PLCH1: variants seen among roughly 807,000 people sequenced by gnomAD.
PLCH1 encodes phospholipase C eta 1, also known as 1-phosphatidylinositol 4,5-bisphosphate phosphodiesterase eta-1.
In PLCH1, 60 loss-of-function variants were observed where a neutral mutation model predicts 126.7. The observed-to-expected ratio is 0.47, with a 90% CI of 0.38 to 0.59. PLCH1 has a LOEUF of 0.59. Ranked by LOEUF, PLCH1 falls within the 20% of genes least tolerant of loss-of-function variation. The pLI is 0.00. For synonymous variants in PLCH1, 719 were observed against 734.9 expected (o/e 0.98, Z 0.35); for missense variants, 1,723 against 2,040.0 (o/e 0.84, Z 2.99).
intron 21 of PLCH1, among the ~76,000 whole-genome samples, chr3:155,473,183 T>C (rs1374359948): frequency 1.3e-4 from 19 of 150,922 alleles, no homozygotes; most frequent in African/African-American, 4.9e-5. Flanking sequence ...GAAAACCCCA[T>C]TGTCTCAGCC....
intron 1 of PLCH1, among the ~76,000 whole-genome samples, chr3:155,741,684 C>CTTTTATTTTTTTTTTATTTTTTT: frequency 3.5e-4 from 36 of 102,862 alleles, no homozygotes; most frequent in Non-Finnish European, 5.2e-4. Flanking sequence ...TTTATATCCT[C>CTTTTATTTTTTTTTTATTTTTTT]TTTTTTTTTT....
intron 2 of PLCH1, among the ~76,000 whole-genome samples, chr3:155,601,190 T>C (rs952465846): frequency 6.6e-6 from 1 of 152,086 alleles, no homozygotes; most frequent in Admixed American, 6.6e-5. Context: ...TGTTAGCCAG[T>C]ATGGTCTTGA....
chr3:155,477,855 A>G (rs1436843482), downstream of PLCH1, among the ~76,000 whole-genome samples: 1 of 152,162 alleles, frequency 6.6e-6, no homozygotes, highest in Non-Finnish European at 1.5e-5. Context: ...TCAAAAAACT[A>G]AAAATTGAGC....
chr3:155,619,762 TGACAACTTCCAACCACA>T (rs1459159022), intron 2 of PLCH1, among the ~76,000 whole-genome samples: 1 of 152,102 alleles, frequency 6.6e-6, no homozygotes, highest in Non-Finnish European at 1.5e-5. Context: ...GAAGCAGGCC[TGACAACTTCCAACCACA>T]GACAGTTGGA....
At chr3:155,706,226 G>A (rs1300253972) in intron 1 of PLCH1, among the ~76,000 whole-genome samples, 10 of 143,002 alleles carry the variant, frequency 7.0e-5, no homozygotes, top group African/African-American at 1.6e-4. Context: ...AGTGGCTCAC[G>A]CCTGTAATCC....
rs189354805 is a variant in PLCH1, at chr3:155,581,939, G to A, written c.771+1533C>T. 2.7e-3 allele frequency among the ~76,000 whole-genome samples: 411 copies of A among 151,614 alleles called. 3 individuals are homozygous for A. Among genetic ancestry groups the A allele is most frequent in the Admixed American group, 5.1e-3 (78 of 15,226 alleles). ...TAATTTTGTATTTTTAGTAGAGACC[G>A]GGTTTCTCCATGTTGGTCAGGCTGG... On this transcript the variant is annotated intron_variant, in intron 6 of 22. Coordinates refer to ENST00000460012, the MANE Select transcript of PLCH1 (RefSeq NM_014996.4).
intron 10 of PLCH1, among the ~76,000 whole-genome samples, chr3:155,549,222 G>GT (rs1725784293): frequency 6.6e-6 from 1 of 152,184 alleles, no homozygotes; most frequent in Non-Finnish European, 1.5e-5. Flanking sequence ...CAGAAAATCT[G>GT]TTTATGAAAT....
intron 8 of PLCH1, among the ~76,000 whole-genome samples, chr3:155,558,438 G>A (rs541122972): frequency 5.4e-4 from 82 of 152,210 alleles, no homozygotes; most frequent in African/African-American, 1.9e-3. Context: ...TAAGGCTCCC[G>A]GTAGATGCCT....
At chr3:155,743,387 C>A in intron 1 of PLCH1, 1 of 383,192 alleles carries the variant, frequency 2.6e-6, no homozygotes, top group South Asian at 2.0e-5. Flanking sequence ...CAAAAAATAG[C>A]TGGGCGTGGT....
At chr3:155,707,616 C>A (rs761231051) in intron 1 of PLCH1, among the ~76,000 whole-genome samples, 1 of 151,654 alleles carries the variant, frequency 6.6e-6, no homozygotes, top group Admixed American at 6.6e-5. Flanking sequence ...ATGGCCAAGA[C>A]CATGCCACTG....
chr3:155,516,516 C>T (rs576519849), intron 11 of PLCH1, among the ~76,000 whole-genome samples: 3 of 152,140 alleles, frequency 2.0e-5, no homozygotes, highest in South Asian at 2.1e-4. Context: ...CTTTGGAGAG[C>T]GGAGGGACTT....
chr3:155,693,984 A>C (rs1331947151), intron 2 of PLCH1, among the ~76,000 whole-genome samples: 2 of 152,128 alleles, frequency 1.3e-5, no homozygotes, highest in Non-Finnish European at 2.9e-5. Context: ...CAAATTCCCA[A>C]GCATAGATGA....
intron 2 of PLCH1, among the ~76,000 whole-genome samples, chr3:155,626,585 C>T (rs368153007): frequency 5.3e-5 from 8 of 151,634 alleles, no homozygotes; most frequent in Middle Eastern, 6.8e-3. Context: ...CTGGCTAAAA[C>T]GGTGAGACCC....
intron 1 of PLCH1, among the ~76,000 whole-genome samples, chr3:155,708,605 A>G (rs2109096554): frequency 6.6e-6 from 1 of 152,316 alleles, no homozygotes; most frequent in South Asian, 2.1e-4. Context: ...AGTATACTAC[A>G]TTCATTTATT....
At chr3:155,579,860 C>G (rs1049122871) in intron 6 of PLCH1, among the ~76,000 whole-genome samples, 6 of 152,082 alleles carry the variant, frequency 3.9e-5, no homozygotes, top group African/African-American at 1.4e-4. Flanking sequence ...CTCTGTCTGT[C>G]TGTCTGTGTC....
At chr3:155,719,383 GA>G (rs1262601068) in intron 1 of PLCH1, among the ~76,000 whole-genome samples, 3 of 151,968 alleles carry the variant, frequency 2.0e-5, no homozygotes, top group Non-Finnish European at 4.4e-5. Context: ...GGGGGAGGGG[GA>G]AGGGATAGCA....
At chr3:155,478,101 G>C (rs1454906723), downstream of PLCH1, among the ~76,000 whole-genome samples, 1 of 152,108 alleles carries the variant, frequency 6.6e-6, no homozygotes, top group African/African-American at 2.4e-5. Flanking sequence ...CAACAACATG[G>C]ATGGAACTGG....
At chr3:155,542,565 G>A (rs1724493822) in intron 10 of PLCH1, among the ~76,000 whole-genome samples, 1 of 152,110 alleles carries the variant, frequency 6.6e-6, no homozygotes, top group Non-Finnish European at 1.5e-5. Flanking sequence ...GGAGATCTGA[G>A]AACAGGCAGA....
chr3:155,651,756 A>T (rs1740738998), intron 2 of PLCH1, among the ~76,000 whole-genome samples: 1 of 152,240 alleles, frequency 6.6e-6, no homozygotes, highest in Non-Finnish European at 1.5e-5. Context: ...AAACATTAAT[A>T]TAGGGGATCC....
Sources: allele counts gnomAD v4.1 joint callset (sites outside exome capture counted in the v4.1 genomes callset), GRCh38; gene constraint gnomAD v4.1.1; transcripts MANE v1.5; gene names NCBI Gene and HGNC (gene_info 2026-07-23, HGNC 2026-07-21).